The following TRIOBP variants were observed in gnomAD, a reference collection of about 807,000 sequenced individuals.
TRIOBP encodes the protein TRIO and F-actin binding protein.
In TRIOBP, 169 loss-of-function variants were observed where a neutral mutation model predicts 238.8. The observed-to-expected ratio is 0.71, with a 90% CI of 0.62 to 0.80. TRIOBP has a LOEUF of 0.80. Ranked by LOEUF, TRIOBP falls within the 30% of genes least tolerant of loss-of-function variation. The pLI is 0.00. For missense variants in TRIOBP, 2,838 were observed against 3,122.6 expected (o/e 0.91, Z 2.17); for synonymous variants, 1,150 against 1,274.4 (o/e 0.90, Z 2.08).
In TRIOBP at chr22:37,734,610, G is replaced by A. The variant is rs1412647269; in HGVS notation, c.4274G>A (p.Gly1425Glu). ...CAAGCAGGCCCAAGACAGCCTCTGG[G>A]GGTGTGGCAGAGTCAGGAGGAACCG... ...SGQAGPRQPL[G>E]VWQSQEEPPG... is the part of the protein sequence containing the mutation. Residue 1425 changes from glycine (G) to glutamate (E), a missense_variant, in exon 9 of 24, where the codon GGG becomes GAG. Physicochemically the swap from Gly to Glu is moderately conservative, Grantham distance 98 (BLOSUM62 -2). Coordinates refer to ENST00000644935, the MANE Select transcript of TRIOBP (RefSeq NM_001039141.3). 6.3e-7 allele frequency: 1 copy of A among 1,582,690 alleles called. No individual in the cohort carries two copies. Among genetic ancestry groups the A allele is most frequent in the Non-Finnish European group, 8.6e-7 (1 of 1,164,720 alleles).
chr22:37,726,569 G>A, intron 7 of TRIOBP, 66 bp downstream of exon 7: 1 of 1,389,336 alleles, frequency 7.2e-7, no homozygotes, highest in Non-Finnish European at 9.4e-7. Flanking sequence ...ACAGGTGAAG[G>A]GTTAGGGTGC....
intron 11 of TRIOBP, 144 bp downstream of exon 11, chr22:37,741,176 G>A (rs1269752590): frequency 3.4e-6 from 4 of 1,177,628 alleles, no homozygotes; most frequent in Non-Finnish European, 4.7e-6. Context: ...AGAGGTGGGA[G>A]CAGAGCTCTT....
At chr22:37,716,966 G>T (rs1002219200) in intron 6 of TRIOBP, among the ~76,000 whole-genome samples, 9 of 152,216 alleles carry the variant, frequency 5.9e-5, no homozygotes, top group Non-Finnish European at 1.3e-4. Flanking sequence ...TGGTTTCAAA[G>T]TATTGTGTCC....
At chr22:37,743,311 A>G (rs1041843868) in intron 11 of TRIOBP, among the ~76,000 whole-genome samples, 1 of 152,170 alleles carries the variant, frequency 6.6e-6, no homozygotes, top group African/African-American at 2.4e-5. Flanking sequence ...CTTGGCACCT[A>G]ACTTGTGTGC....
intron 17 of TRIOBP, chr22:37,759,485 G>A: frequency 6.3e-7 from 1 of 1,598,084 alleles, no homozygotes; most frequent in Non-Finnish European, 8.6e-7. Context: ...TATGTGACTT[G>A]CCCAAGGTCA....
intron 4 of TRIOBP, among the ~76,000 whole-genome samples, chr22:37,711,994 G>A (rs145203468): frequency 9.9e-5 from 15 of 152,170 alleles, no homozygotes; most frequent in South Asian, 8.3e-4. Flanking sequence ...TCACATCCTC[G>A]TTAGCCAAGC....
At chr22:37,743,842 T>C (rs935516160) in intron 11 of TRIOBP, among the ~76,000 whole-genome samples, 49 of 115,266 alleles carry the variant, frequency 4.3e-4, no homozygotes, top group South Asian at 8.8e-4. Context: ...TGTGTGTGTG[T>C]GTGCTGGGTG....
chr22:37,712,516 G>A (rs181945367), intron 4 of TRIOBP, among the ~76,000 whole-genome samples: 5 of 152,064 alleles, frequency 3.3e-5, no homozygotes, highest in Admixed American at 2.0e-4. Flanking sequence ...TTTATTTTTA[G>A]TAGAGACGGG....
chr22:37,697,277 G>C (rs1922397703), intron 1 of TRIOBP, among the ~76,000 whole-genome samples, 188 bp downstream of exon 1: 1 of 152,200 alleles, frequency 6.6e-6, no homozygotes, highest in Admixed American at 6.5e-5. Flanking sequence ...GTGCATTTTA[G>C]AGAAGGATTC....
chr22:37,753,404 A>G (rs1421718878), intron 12 of TRIOBP, among the ~76,000 whole-genome samples: 2 of 151,904 alleles, frequency 1.3e-5, no homozygotes, highest in African/African-American at 4.8e-5. Flanking sequence ...CCTCCCGAGT[A>G]GCCGGGATTA....
chr22:37,734,717 G>C lies in TRIOBP; in HGVS notation c.4381G>C (p.Gly1461Arg). The C allele has an allele frequency of 6.2e-7, 1 of 1,609,112 alleles. No homozygotes were observed. Among genetic ancestry groups the C allele is most frequent in the Admixed American group, 1.7e-5 (1 of 59,340 alleles). The change falls in exon 9 of 24, where the codon GGA becomes CGA. Residue 1461 changes from glycine (G) to arginine (R), a missense_variant. Around this residue, in one of 5 missense-constraint regions of TRIOBP, gnomAD observed 2,096 missense variants for 2,137.4 expected, o/e 0.98. Transcript: ENST00000644935. ...EGGLGPGGWW[G>R]CGEPSLGAAK... is the part of the protein sequence containing the mutation. Reference sequence around the variant, plus strand: ...AGGCCTGGGCCCTGGGGGCTGGTGGGGATGTGGAGAGCCCAGCCTGGGGGC... The same window carrying C: ...AGGCCTGGGCCCTGGGGGCTGGTGGCGATGTGGAGAGCCCAGCCTGGGGGC...
Position 37,735,242 on chromosome 22 carries a change from GC to G in TRIOBP, c.4908del (p.Thr1637ProfsTer33), listed in dbSNP as rs1473057457. On this transcript the variant is annotated frameshift_variant, in exon 9 of 24. Transcript: ENST00000644935. LOFTEE classifies it high-confidence loss of function. ...SHSQPEGWAE[A>X]TPVNGHSPAL... ...CAGCCAGCCAGAAGGCTGGGCCGAG[GC>G]CACCCCAGTCAATGGACACAGCCCC... 5 of 1,604,066 alleles carry G rather than the reference GC, an allele frequency of 3.1e-6. No homozygotes were observed. Among genetic ancestry groups the G allele is most frequent in the Non-Finnish European group, 4.3e-6 (5 of 1,172,532 alleles).
In TRIOBP at chr22:37,757,736, C is replaced by T. The variant is rs370890988; in HGVS notation, c.5811C>T (p.Asp1937=). 127 of 1,570,944 alleles carry T rather than the reference C, an allele frequency of 8.1e-5. No individual in the cohort carries two copies. Among genetic ancestry groups the T allele is most frequent in the East Asian group, 7.8e-4 (33 of 42,486 alleles). The change falls in exon 16 of 24, where the codon GAC becomes GAT. Residue 1937 remains aspartate (D), a synonymous_variant. Coordinates refer to ENST00000644935, the MANE Select transcript of TRIOBP (RefSeq NM_001039141.3). ...VISRGGPRKA[D]GQRQALDYVE... ...GCCGGGGTGGCCCTCGGAAGGCGGA[C>T]GGGCAGCGTCAGGCCTTGGACTACG...
intron 7 of TRIOBP, among the ~76,000 whole-genome samples, chr22:37,727,407 G>T (rs964472985): frequency 6.6e-6 from 1 of 151,936 alleles, no homozygotes; most frequent in Non-Finnish European, 1.5e-5. Context: ...GGTGGCTCAT[G>T]CCTGTAATCC....
At position 37,724,470 on chromosome 22, in the gene TRIOBP, T is replaced by A. The variant is rs1924007315; in HGVS notation, c.1914T>A (p.Ser638=). ...AGCGGGACAATCCCAGAGCCTCCTCTCCCAACAGAACCACCCAACAAGACA... is the reference window on the plus strand; with the variant it reads ...AGCGGGACAATCCCAGAGCCTCCTCACCCAACAGAACCACCCAACAAGACA... ...CAQRDNPRAS[S]PNRTTQQDSP... Residue 638 remains serine (S), a synonymous_variant, in exon 7 of 24, where the codon TCT becomes TCA. Transcript: ENST00000644935. 6.2e-7 allele frequency: 1 copy of A among 1,606,934 alleles called. No individual in the cohort carries two copies. Among genetic ancestry groups the A allele is most frequent in the Non-Finnish European group, 8.5e-7 (1 of 1,178,170 alleles).
chr22:37,745,377 G>C lies in TRIOBP; in HGVS notation c.5322+4345G>C, dbSNP rs532290192. On this transcript the variant is annotated intron_variant, in intron 11 of 23. Transcript: ENST00000644935. ...AGAGAGTGAAATTGAGCACCGAGAG[G>C]TGCCTTGCTTAAGGTAACACTAGGC... Among the ~76,000 whole-genome samples, 6 of 152,038 alleles carry C rather than the reference G, an allele frequency of 3.9e-5. No individual in the cohort carries two copies. The South Asian group carries it at 1.2e-3, about 32-fold the overall frequency.
At chr22:37,723,120 A>G in intron 6 of TRIOBP, 65 bp from the exon 7 acceptor site, 2 of 1,560,614 alleles carry the variant, frequency 1.3e-6, no homozygotes, top group East Asian at 2.3e-5. Flanking sequence ...GGGACAAAGA[A>G]AGGTAGAATA....
chr22:37,769,255 C>T lies in TRIOBP; in HGVS notation c.6736-7C>T. 2 of 1,608,780 alleles carry T rather than the reference C, an allele frequency of 1.2e-6. No individual in the cohort carries two copies. Among genetic ancestry groups the T allele is most frequent in the Non-Finnish European group, 1.7e-6 (2 of 1,178,014 alleles). Reference sequence around the variant, plus strand: ...CACCCCTCCCCTGACCACCGTGCCTCTCCCAGGAGCTGCATGGCCGCCTGT... The same window carrying T: ...CACCCCTCCCCTGACCACCGTGCCTTTCCCAGGAGCTGCATGGCCGCCTGT... On this transcript the variant is annotated splice_region_variant and splice_polypyrimidine_tract_variant and intron_variant, in intron 20 of 23. Coordinates refer to ENST00000644935, the MANE Select transcript of TRIOBP (RefSeq NM_001039141.3).
rs183024099 is a variant in TRIOBP, at chr22:37,723,688, C to G, written c.1132C>G (p.Pro378Ala). 1.2e-6 allele frequency: 2 copies of G among 1,613,684 alleles called. No homozygotes were observed. The highest frequency in any genetic ancestry group is 1.7e-6 in the Non-Finnish European group (2 of 1,179,922). Residue 378 changes from proline (P) to alanine (A), a missense_variant, in exon 7 of 24, where the codon CCC becomes GCC. Around this residue, in one of 5 missense-constraint regions of TRIOBP, gnomAD observed 535 missense variants for 537.3 expected, o/e 1.00. Transcript: ENST00000644935. The stretch of plus-strand genomic sequence containing the variant: ...TACTTGTACTCCCCAGCGGGAAAAC[C>G]CCAGGACACCCTGTGTCCAGCAGGA... ...FPTCTPQREN[P>A]RTPCVQQDDP...
Sources: gnomAD v4.1 joint callset for allele counts (sites outside exome capture counted in the v4.1 genomes callset) on GRCh38, gnomAD v4.1.1 for gene constraint, gnomAD v4.1.1 regional missense constraint, MANE v1.5 for transcripts, NCBI Gene and HGNC (gene_info 2026-07-23, HGNC 2026-07-21) for gene names.